SMYD3: variants seen among roughly 807,000 people sequenced by gnomAD.
SMYD3 encodes the protein SET and MYND domain containing 3, also known as histone-lysine N-methyltransferase SMYD3.
In SMYD3, 36 loss-of-function variants were observed where a neutral mutation model predicts 57.7. The observed-to-expected ratio is 0.62, with a 90% CI of 0.48 to 0.82. The LOEUF (loss-of-function observed/expected upper bound fraction) is 0.82. Ranked by LOEUF, SMYD3 falls within the 40% of genes least tolerant of loss-of-function variation. The probability of loss-of-function intolerance (pLI) is 0.00; values close to 1 mark genes in which losing one functional copy is unlikely to be tolerated. For synonymous variants in SMYD3, 211 were observed against 195.0 expected (o/e 1.08, Z -0.68); for missense variants, 515 against 538.8 (o/e 0.96, Z 0.44).
chr1:246,273,055 TTTGTTGTCATACAACTCTTCCTAATG>T (rs1249825986), intron 5 of SMYD3, among the ~76,000 whole-genome samples: 3,172 of 151,332 alleles, frequency 0.021, 124 homozygotes, highest in African/African-American at 0.073. Flanking sequence ...GGGTATTCAA[TTTGTTGTCATACAACTCTTCCTAATG>T]CCCTCCTATA....
intron 5 of SMYD3, among the ~76,000 whole-genome samples, chr1:246,074,489 C>G (rs1020261577): frequency 6.6e-6 from 1 of 151,816 alleles, no homozygotes; most frequent in Admixed American, 6.6e-5. Context: ...GCTCTGGATT[C>G]GACATTTAAA....
intron 5 of SMYD3, among the ~76,000 whole-genome samples, chr1:246,258,929 C>T (rs1343634084): frequency 6.6e-6 from 1 of 151,974 alleles, no homozygotes; most frequent in Non-Finnish European, 1.5e-5. Context: ...ATTTTTTCTT[C>T]CTTTTTGTCT....
chr1:246,059,941 G>A (rs1030655217), intron 5 of SMYD3, among the ~76,000 whole-genome samples: 2 of 151,992 alleles, frequency 1.3e-5, no homozygotes, highest in East Asian at 1.9e-4. Context: ...TTTCAAATTC[G>A]ACAGTGTTGA....
At chr1:246,397,454 G>A (rs1003757650) in intron 1 of SMYD3, among the ~76,000 whole-genome samples, 6 of 151,930 alleles carry the variant, frequency 3.9e-5, no homozygotes, top group Admixed American at 2.0e-4. Context: ...TTGTGCTCTC[G>A]GTTGAAAAAC....
At chr1:245,798,484 C>CCA (rs146927711) in intron 10 of SMYD3, among the ~76,000 whole-genome samples, 5,586 of 132,108 alleles carry the variant, frequency 0.042, 143 homozygotes, top group Non-Finnish European at 0.06. Flanking sequence ...ACACAACACA[C>CCA]CACACACACA....
chr1:245,795,254 T>TA (rs2047474268), intron 10 of SMYD3, among the ~76,000 whole-genome samples: 1 of 152,226 alleles, frequency 6.6e-6, no homozygotes, highest in African/African-American at 2.4e-5. Flanking sequence ...TCTGGGATCT[T>TA]ATACCTCCAT....
intron 1 of SMYD3, among the ~76,000 whole-genome samples, chr1:246,412,108 G>C (rs1434713170): frequency 2.6e-5 from 4 of 152,090 alleles, no homozygotes; most frequent in Non-Finnish European, 4.4e-5. Context: ...CTACAGAAAA[G>C]GTCTATGATC....
chr1:246,151,018 C>T (rs1033877864), intron 5 of SMYD3, among the ~76,000 whole-genome samples: 9 of 152,106 alleles, frequency 5.9e-5, no homozygotes, highest in Non-Finnish European at 1.3e-4. Flanking sequence ...GAGGTCGAGG[C>T]GGGTGGATCA....
chr1:245,806,824 G>T (rs865942169), intron 10 of SMYD3, among the ~76,000 whole-genome samples: 48 of 147,648 alleles, frequency 3.3e-4, no homozygotes, highest in Middle Eastern at 3.6e-3. Flanking sequence ...GCAGGAGAAT[G>T]GCGTGAACCC....
In SMYD3 at chr1:246,171,203, G is replaced by A. The variant is rs541404319; in HGVS notation, c.531+155998C>T. Among the ~76,000 whole-genome samples the A allele has an allele frequency of 6.2e-3, 943 of 151,940 alleles. 8 individuals carry two copies. Among genetic ancestry groups the A allele is most frequent in the Middle Eastern group, 0.02 (6 of 294 alleles). Reference sequence around the variant, plus strand: ...CAATCAAGAATTGATTTTGGTAAACGTTTCAAAGATAACTGAAAAAAAGGT... The same window carrying A: ...CAATCAAGAATTGATTTTGGTAAACATTTCAAAGATAACTGAAAAAAAGGT... On this transcript the variant is annotated intron_variant, in intron 5 of 11. Transcript: ENST00000490107.
chr1:246,430,940 A>G (rs191549986), intron 1 of SMYD3, among the ~76,000 whole-genome samples: 1 of 152,302 alleles, frequency 6.6e-6, no homozygotes, highest in African/African-American at 2.4e-5. Context: ...AAGAAAAGAG[A>G]GAAGTTAATA....
chr1:246,044,134 T>C lies in SMYD3; in HGVS notation c.532-114197A>G, dbSNP rs969212902. On this transcript the variant is annotated intron_variant, in intron 5 of 11. Transcript: ENST00000490107. The stretch of plus-strand genomic sequence containing the variant: ...ATTATATATTCCAGTTTTCTTCTAA[T>C]TCAACAGTTCTACGAATAAAGACCA... 3.3e-5 allele frequency among the ~76,000 whole-genome samples: 5 copies of C among 152,336 alleles called. No individual in the cohort carries two copies. The East Asian group carries it at 5.8e-4, about 18-fold the overall frequency.
chr1:246,394,868 A>C (rs2066632684), intron 1 of SMYD3, among the ~76,000 whole-genome samples: 1 of 151,988 alleles, frequency 6.6e-6, no homozygotes. Flanking sequence ...GAACTCAGCT[A>C]TGCTTTCTTA....
At chr1:245,901,277 G>A (rs962991692) in intron 8 of SMYD3, among the ~76,000 whole-genome samples, 2 of 152,094 alleles carry the variant, frequency 1.3e-5, no homozygotes, top group Non-Finnish European at 2.9e-5. Flanking sequence ...GAACCTTTCC[G>A]AGTTTCACTT....
At chr1:246,400,104 C>T (rs1451572031) in intron 1 of SMYD3, among the ~76,000 whole-genome samples, 1 of 152,170 alleles carries the variant, frequency 6.6e-6, no homozygotes, top group East Asian at 1.9e-4. Context: ...TTATATATTT[C>T]AGATATATAA....
chr1:246,391,677 G>A (rs944675571), intron 1 of SMYD3, among the ~76,000 whole-genome samples: 5 of 152,016 alleles, frequency 3.3e-5, no homozygotes, highest in Admixed American at 6.6e-5. Context: ...TAGAGACAAG[G>A]AGGAACATTT....
intron 5 of SMYD3, among the ~76,000 whole-genome samples, chr1:246,311,343 C>G (rs1572365899): frequency 6.6e-6 from 1 of 151,802 alleles, no homozygotes; most frequent in Non-Finnish European, 1.5e-5. Context: ...ATTTTCAGCA[C>G]AAAAAAAATC....
chr1:245,922,089 C>G (rs566415421), intron 7 of SMYD3, among the ~76,000 whole-genome samples: 2 of 152,162 alleles, frequency 1.3e-5, no homozygotes, highest in East Asian at 1.9e-4. Context: ...CTTATCCATT[C>G]TTAAGAATGG....
intron 1 of SMYD3, among the ~76,000 whole-genome samples, chr1:246,494,712 T>C (rs2068329191): frequency 6.6e-6 from 1 of 152,206 alleles, no homozygotes; most frequent in African/African-American, 2.4e-5. Flanking sequence ...ACACAGCAGC[T>C]AAAAAATGCT....
Sources: gnomAD v4.1 joint callset for allele counts (sites outside exome capture counted in the v4.1 genomes callset) on GRCh38, gnomAD v4.1.1 for gene constraint, MANE v1.5 for transcripts, NCBI Gene and HGNC (gene_info 2026-07-23, HGNC 2026-07-21) for gene names.